Variants in ILRUN observed in about 807,000 individuals in gnomAD.
ILRUN encodes inflammation and lipid regulator with UBA-like and NBR1-like domains, also known as protein ILRUN.
Under a neutral mutation model 33.8 loss-of-function variants are expected in ILRUN, and 3 were observed. The observed-to-expected ratio is 0.09, with a 90% CI of 0.04 to 0.23. The LOEUF (loss-of-function observed/expected upper bound fraction) is 0.23, where lower values mean the gene tolerates loss of function less well. Ranked by LOEUF, ILRUN falls within the 10% of genes least tolerant of loss-of-function variation. ILRUN has a pLI of 1.00. For missense variants in ILRUN, 210 were observed against 375.1 expected (o/e 0.56, Z 3.64); for synonymous variants, 124 against 138.9 (o/e 0.89, Z 0.75).
intron 2 of ILRUN, among the ~76,000 whole-genome samples, 162 bp downstream of exon 2, chr6:34,654,463 T>A (rs531605727): frequency 1.1e-4 from 16 of 152,246 alleles, no homozygotes; most frequent in Admixed American, 9.2e-4. Context: ...GATATTTCAC[T>A]AATGTTTGGT....
At chr6:34,615,657 T>C (rs188760675) in intron 3 of ILRUN, among the ~76,000 whole-genome samples, 34 of 152,208 alleles carry the variant, frequency 2.2e-4, no homozygotes, top group Non-Finnish European at 2.8e-4. Flanking sequence ...ATGGAGAGAA[T>C]TGACTAGCAA....
chr6:34,597,019 A>T (rs1761414161), intron 4 of ILRUN, among the ~76,000 whole-genome samples: 1 of 151,474 alleles, frequency 6.6e-6, no homozygotes, highest in Non-Finnish European at 1.5e-5. Flanking sequence ...CCCTCCATAC[A>T]TCCTCCCTGT....
At chr6:34,605,737 T>C (rs1168310988) in intron 4 of ILRUN, among the ~76,000 whole-genome samples, 1 of 152,182 alleles carries the variant, frequency 6.6e-6, no homozygotes, top group African/African-American at 2.4e-5. Context: ...TTTTAAAATT[T>C]AAGGTGAACG....
intron 1 of ILRUN, among the ~76,000 whole-genome samples, chr6:34,670,607 T>C (rs1763096382): frequency 6.6e-6 from 1 of 151,846 alleles, no homozygotes; most frequent in African/African-American, 2.4e-5. Flanking sequence ...TCCCAGCACT[T>C]TGGAAGGCTG....
In ILRUN at chr6:34,592,906, G is replaced by A. The variant is rs1761324484; in HGVS notation, c.862-2306C>T. 6.6e-6 allele frequency among the ~76,000 whole-genome samples: 1 copy of A among 152,162 alleles called. No individual in the cohort carries two copies. Among genetic ancestry groups the A allele is most frequent in the South Asian group, 2.1e-4 (1 of 4,822 alleles). On this transcript the variant is annotated intron_variant, in intron 4 of 4. Coordinates refer to ENST00000374023, the MANE Select transcript of ILRUN (RefSeq NM_024294.4). The surrounding 1 kb of genome is among the most constrained non-coding windows in gnomAD (Gnocchi z 4.0). ...AAAGAAAACCTTGCTAGGTACGGTC[G>A]CTTATGTCTATAATCCCAGCACTTT...
chr6:34,661,299 C>T (rs898318436), intron 1 of ILRUN, among the ~76,000 whole-genome samples: 3 of 152,022 alleles, frequency 2.0e-5, no homozygotes, highest in African/African-American at 4.8e-5. Context: ...AAAATGTCTA[C>T]AACTTTCAAA....
chr6:34,591,466 C>A (rs1248911529), intron 4 of ILRUN, among the ~76,000 whole-genome samples: 1 of 152,088 alleles, frequency 6.6e-6, no homozygotes. Context: ...CTGCACCACT[C>A]CAGGCTGGGC....
chr6:34,683,833 TGGGC>T (rs1763459433), intron 1 of ILRUN, among the ~76,000 whole-genome samples: 1 of 151,944 alleles, frequency 6.6e-6, no homozygotes, highest in African/African-American at 2.4e-5. Context: ...GAGGACAAGG[TGGGC>T]AGACAGCTTG....
intron 2 of ILRUN, among the ~76,000 whole-genome samples, chr6:34,648,324 A>G (rs1762598793): frequency 6.6e-6 from 1 of 152,122 alleles, no homozygotes; most frequent in African/African-American, 2.4e-5. Context: ...TTGCTCTCTA[A>G]GTGCCCAGTT....
chr6:34,596,039 G>C, intron 4 of ILRUN: 1 of 636,912 alleles, frequency 1.6e-6, no homozygotes, highest in Middle Eastern at 8.1e-4. Flanking sequence ...CCTGCTCACA[G>C]GCCTGGCCTG....
intron 3 of ILRUN, among the ~76,000 whole-genome samples, chr6:34,611,346 T>C (rs936835837): frequency 1.3e-5 from 2 of 152,100 alleles, no homozygotes; most frequent in Admixed American, 1.3e-4. Flanking sequence ...AGATTCTACA[T>C]AGTAGCTATA....
intron 1 of ILRUN, among the ~76,000 whole-genome samples, chr6:34,676,464 C>CTAGCTAGCTAGATAGATAGATA (rs1763236857): frequency 6.7e-6 from 1 of 150,006 alleles, no homozygotes; most frequent in African/African-American, 2.5e-5. Flanking sequence ...ATATAGCTAG[C>CTAGCTAGCTAGATAGATAGATA]TAGCTAGCTA....
At chr6:34,694,818 C>T (rs1332516805) in intron 1 of ILRUN, among the ~76,000 whole-genome samples, 9 of 151,796 alleles carry the variant, frequency 5.9e-5, no homozygotes, top group African/African-American at 2.2e-4. Context: ...GAGGCCAAGG[C>T]GGGTGGATCA....
intron 3 of ILRUN, among the ~76,000 whole-genome samples, chr6:34,612,706 A>C (rs1349928318): frequency 6.6e-6 from 1 of 152,106 alleles, no homozygotes; most frequent in East Asian, 1.9e-4. Context: ...CAGGAGTTCC[A>C]GATCAGCCTG....
intron 2 of ILRUN, among the ~76,000 whole-genome samples, chr6:34,648,906 A>G (rs1762608565): frequency 6.6e-6 from 1 of 152,244 alleles, no homozygotes; most frequent in Non-Finnish European, 1.5e-5. Context: ...CTGCATGTGA[A>G]AAAGACTTAG....
chr6:34,681,915 C>A (rs1216197273), intron 1 of ILRUN, among the ~76,000 whole-genome samples: 3 of 140,820 alleles, frequency 2.1e-5, no homozygotes, highest in Admixed American at 1.5e-4. Context: ...TGCAGTGCTG[C>A]GACCTCAGCT....
intron 3 of ILRUN, among the ~76,000 whole-genome samples, chr6:34,611,527 C>T (rs1198269030): frequency 2.0e-5 from 3 of 152,198 alleles, no homozygotes; most frequent in East Asian, 3.9e-4. Flanking sequence ...TTCCAGAATG[C>T]GTTCACCCCC....
chr6:34,648,048 CTA>C (rs1338811366), intron 2 of ILRUN, among the ~76,000 whole-genome samples: 2 of 152,170 alleles, frequency 1.3e-5, no homozygotes, highest in Non-Finnish European at 2.9e-5. Context: ...CATGAGATAT[CTA>C]TGTGTTGACT....
At chr6:34,675,736 T>C (rs1763214886) in intron 1 of ILRUN, among the ~76,000 whole-genome samples, 1 of 151,964 alleles carries the variant, frequency 6.6e-6, no homozygotes, top group African/African-American at 2.4e-5. Context: ...TTCCTTAATA[T>C]ACAAACAGCT....
Sources: gnomAD v4.1 joint callset for allele counts (sites outside exome capture counted in the v4.1 genomes callset) on GRCh38, gnomAD v4.1.1 for gene constraint, Gnocchi (gnomAD v3.1) non-coding constraint, MANE v1.5 for transcripts, NCBI Gene and HGNC (gene_info 2026-07-23, HGNC 2026-07-21) for gene names.